The following PCDHA8 variants were observed in gnomAD, a reference collection of about 807,000 sequenced individuals.
PCDHA8 encodes protocadherin alpha 8.
Under a neutral mutation model 61.8 loss-of-function variants are expected in PCDHA8, and 53 were observed. That is an observed-to-expected ratio of 0.86 (90% CI 0.69 to 1.08). PCDHA8 has a LOEUF of 1.08. Ranked by LOEUF, PCDHA8 falls within the 50% of genes least tolerant of loss-of-function variation. The probability of loss-of-function intolerance (pLI) is 0.00; values close to 1 mark genes in which losing one functional copy is unlikely to be tolerated. For missense variants in PCDHA8, 1,293 were observed against 1,245.0 expected, an observed-to-expected ratio of 1.04 and a Z score of -0.58; for synonymous variants, 618 against 556.6, an observed-to-expected ratio of 1.11 and a Z score of -1.55.
At chr5:140,870,761 T>C (rs1456957620) in intron 1 of PCDHA8, 1 of 1,613,524 alleles carries the variant, frequency 6.2e-7, no homozygotes, top group Non-Finnish European at 8.5e-7. Flanking sequence ...CTGCAGGTGT[T>C]CGTGCTGGAC....
At chr5:140,864,459 C>CT (rs1474178285) in intron 1 of PCDHA8, 1 of 152,180 alleles carries the variant, frequency 6.6e-6, no homozygotes, top group Non-Finnish European at 1.5e-5. Context: ...CAATATCCAT[C>CT]TTTTTTGAGA....
In PCDHA8 at chr5:140,843,027, G is replaced by A. The variant is rs2150350429; in HGVS notation, c.1706G>A (p.Arg569Gln). The change falls in exon 1 of 4, where the codon CGG becomes CAG. Residue 569 changes from arginine to glutamine, a missense_variant. By Grantham distance (43) the Arg-to-Gln change is conservative. Transcript: ENST00000531613. Reference sequence around the variant, plus strand: ...AACGCGCCGGCACTGCTGGAGCCTCGGGTGGGTGGCACTGGTGGCGCAGCG... The same window carrying A: ...AACGCGCCGGCACTGCTGGAGCCTCAGGTGGGTGGCACTGGTGGCGCAGCG... ...NDNAPALLEPRVGGTGGAASK... is the reference protein window; with the variant it reads ...NDNAPALLEPQVGGTGGAASK... The A allele has an allele frequency of 6.3e-7, 1 of 1,595,166 alleles. No homozygotes were observed. The highest frequency in any genetic ancestry group is 1.1e-5 in the South Asian group (1 of 90,506).
chr5:140,906,137 G>C (rs1462672499), intron 1 of PCDHA8, among the ~76,000 whole-genome samples: 1 of 152,008 alleles, frequency 6.6e-6, no homozygotes, highest in East Asian at 1.9e-4. Context: ...AGTCTCCTTT[G>C]ATAACACCCT....
At chr5:140,987,452 A>C (rs1430622755) in intron 3 of PCDHA8, among the ~76,000 whole-genome samples, 2 of 152,076 alleles carry the variant, frequency 1.3e-5, no homozygotes, top group Non-Finnish European at 2.9e-5. Context: ...CCCGAGAGAT[A>C]ATTGTTAAGA....
intron 1 of PCDHA8, among the ~76,000 whole-genome samples, chr5:140,932,345 C>G (rs1332373274): frequency 6.6e-6 from 1 of 151,820 alleles, no homozygotes; most frequent in African/African-American, 2.4e-5. Context: ...AAACACTTAC[C>G]ATACAACTGG....
intron 1 of PCDHA8, chr5:140,927,951 T>G: frequency 6.2e-7 from 1 of 1,614,198 alleles, no homozygotes; most frequent in Non-Finnish European, 8.5e-7. Context: ...CTGAGGACGC[T>G]GCCCCTGGCA....
chr5:140,886,189 G>A (rs2060889525), intron 1 of PCDHA8, among the ~76,000 whole-genome samples: 1 of 152,090 alleles, frequency 6.6e-6, no homozygotes. Context: ...ATGCTGGCAA[G>A]CAGTAATCTG....
chr5:140,908,416 G>GGAAT (rs1303787034), intron 1 of PCDHA8, among the ~76,000 whole-genome samples: 1 of 152,152 alleles, frequency 6.6e-6, no homozygotes, highest in African/African-American at 2.4e-5. Flanking sequence ...ATTTGATGAT[G>GGAAT]GAATGCTGCT....
chr5:140,870,084 C>T (rs782413178), intron 1 of PCDHA8: 1 of 1,613,864 alleles, frequency 6.2e-7, no homozygotes, highest in Non-Finnish European at 8.5e-7. Context: ...AGGGGACTCC[C>T]CCAATGGCAG....
chr5:140,882,917 G>A, intron 1 of PCDHA8: 1 of 1,614,218 alleles, frequency 6.2e-7, no homozygotes, highest in Non-Finnish European at 8.5e-7. Context: ...AGCCAGTGAT[G>A]GAGGTAAACC....
At chr5:140,898,150 G>A (rs373714901) in intron 1 of PCDHA8, among the ~76,000 whole-genome samples, 6 of 152,198 alleles carry the variant, frequency 3.9e-5, no homozygotes, top group African/African-American at 9.6e-5. Flanking sequence ...GCCTGTTCAC[G>A]CTGATGGTGG....
chr5:140,853,994 C>T (rs1157670229), intron 1 of PCDHA8: 36 of 477,606 alleles, frequency 7.5e-5, no homozygotes, highest in Non-Finnish European at 9.6e-5. Flanking sequence ...TGAGACTCAT[C>T]TCTGCCAAAA....
intron 1 of PCDHA8, chr5:140,926,295 C>T (rs1554203253): frequency 6.6e-6 from 1 of 152,322 alleles, no homozygotes; most frequent in African/African-American, 2.4e-5. Flanking sequence ...CGCTGAGTCC[C>T]GCCCTCTCCG....
intron 3 of PCDHA8, among the ~76,000 whole-genome samples, chr5:140,983,533 G>A (rs1195364351): frequency 6.6e-6 from 1 of 152,208 alleles, no homozygotes; most frequent in Non-Finnish European, 1.5e-5. Flanking sequence ...TACATTGTAT[G>A]TGTGGTCTCA....
intron 1 of PCDHA8, among the ~76,000 whole-genome samples, chr5:140,846,371 TTC>T (rs140960073): frequency 0.32 from 35,391 of 108,896 alleles, 6,884 homozygotes; most frequent in South Asian, 0.47. Context: ...TTTTCTTTCT[TTC>T]TTTTTTTTTT....
intron 3 of PCDHA8, among the ~76,000 whole-genome samples, chr5:141,001,004 T>C (rs2097982470): frequency 1.3e-5 from 2 of 152,368 alleles, no homozygotes; most frequent in South Asian, 4.1e-4. Flanking sequence ...TTTAAATATG[T>C]ATTTAGATAT....
At chr5:140,877,810 C>A (rs782370638) in intron 1 of PCDHA8, 9 of 1,610,248 alleles carry the variant, frequency 5.6e-6, no homozygotes, top group Non-Finnish European at 6.8e-6. Flanking sequence ...TCAGCTGTCT[C>A]GAGAAGATTG....
intron 1 of PCDHA8, chr5:140,862,334 C>T: frequency 3.0e-6 from 1 of 329,810 alleles, no homozygotes; most frequent in Non-Finnish European, 6.0e-6. Context: ...TGTAATTGAC[C>T]CTAACTTCAG....
intron 1 of PCDHA8, chr5:140,867,274 C>T (rs2049858759): frequency 6.6e-6 from 1 of 151,960 alleles, no homozygotes; most frequent in Non-Finnish European, 1.5e-5. Flanking sequence ...CAAAATAAAC[C>T]TGATGTGCTT....
Sources: allele counts gnomAD v4.1 joint callset (sites outside exome capture counted in the v4.1 genomes callset), GRCh38; gene constraint gnomAD v4.1.1; transcripts MANE v1.5; gene names NCBI Gene and HGNC (gene_info 2026-07-23, HGNC 2026-07-21).